Variants in TMEM217 observed in about 807,000 individuals in gnomAD.
TMEM217 encodes the protein chromosome 6 open reading frame 128.
For synonymous variants in TMEM217, 76 were observed against 88.3 expected (o/e 0.86, Z 0.78); for missense variants, 204 against 248.8 (o/e 0.82, Z 1.21).
chr6:37,226,435 G>A (rs1763843262), intron 1 of TMEM217, among the ~76,000 whole-genome samples: 1 of 151,314 alleles, frequency 6.6e-6, no homozygotes, highest in East Asian at 1.9e-4. Flanking sequence ...TGGGACTATA[G>A]GCGCCTGCCA....
intron 1 of TMEM217, among the ~76,000 whole-genome samples, chr6:37,251,222 C>A (rs1198570819): frequency 1.3e-5 from 2 of 152,096 alleles, no homozygotes; most frequent in African/African-American, 4.8e-5. Context: ...AGGTAATGTG[C>A]CGACAGGAAA....
chr6:37,226,837 A>G (rs1426320153), intron 1 of TMEM217, among the ~76,000 whole-genome samples: 1 of 152,106 alleles, frequency 6.6e-6, no homozygotes, highest in Non-Finnish European at 1.5e-5. Flanking sequence ...AAGTGCTGGG[A>G]TTACAGGTGT....
At chr6:37,214,245 T>C (rs1763066846), downstream of TMEM217, among the ~76,000 whole-genome samples, 1 of 152,052 alleles carries the variant, frequency 6.6e-6, no homozygotes, top group Admixed American at 6.6e-5. Flanking sequence ...CTCTCTCTCT[T>C]TCGACAGAGT....
intron 1 of TMEM217, among the ~76,000 whole-genome samples, chr6:37,221,290 G>A (rs1414967594): frequency 2.0e-5 from 3 of 151,858 alleles, no homozygotes; most frequent in Non-Finnish European, 2.9e-5. Flanking sequence ...GGGTTCAAGC[G>A]ATTCTCGTGC....
At chr6:37,233,656 T>C (rs1764330552) in intron 1 of TMEM217, among the ~76,000 whole-genome samples, 1 of 152,210 alleles carries the variant, frequency 6.6e-6, no homozygotes, top group Non-Finnish European at 1.5e-5. Flanking sequence ...TGGAGGGACA[T>C]ATACATTCTA....
chr6:37,223,579 G>A (rs1763657200), intron 1 of TMEM217, among the ~76,000 whole-genome samples: 1 of 152,212 alleles, frequency 6.6e-6, no homozygotes, highest in Non-Finnish European at 1.5e-5. Context: ...CGTGATCTCA[G>A]TTCACCACAA....
chr6:37,224,002 T>C (rs55761393), intron 1 of TMEM217, among the ~76,000 whole-genome samples: 22,787 of 150,072 alleles, frequency 0.15, 2,006 homozygotes, highest in Non-Finnish European at 0.2. Flanking sequence ...AGTGGCACGA[T>C]CTCAGCTCAC....
chr6:37,241,107 T>TTG, intron 1 of TMEM217, among the ~76,000 whole-genome samples: 1 of 151,386 alleles, frequency 6.6e-6, no homozygotes, highest in East Asian at 1.9e-4. Flanking sequence ...CTCTTTTTTT[T>TTG]TTTTTTTTTG....
intron 1 of TMEM217, among the ~76,000 whole-genome samples, chr6:37,242,908 G>A (rs1224870216): frequency 6.6e-6 from 1 of 152,088 alleles, no homozygotes; most frequent in Non-Finnish European, 1.5e-5. Context: ...TCTTTCATAG[G>A]AAGTAAAACA....
At chr6:37,254,518 C>T (rs1359021358) in intron 1 of TMEM217, among the ~76,000 whole-genome samples, 2 of 152,204 alleles carry the variant, frequency 1.3e-5, no homozygotes. Context: ...TCAGAGAAGA[C>T]TGTTCTTCAA....
intron 1 of TMEM217, among the ~76,000 whole-genome samples, chr6:37,250,695 G>A (rs73417899): frequency 0.033 from 5,078 of 152,298 alleles, 258 homozygotes; most frequent in African/African-American, 0.11. Flanking sequence ...TCAGGCGTGC[G>A]TGTGCACGCA....
chr6:37,213,028 A>G (rs1462993393), downstream of TMEM217: 14 of 1,431,694 alleles, frequency 9.8e-6, no homozygotes, highest in Non-Finnish European at 1.1e-5. Context: ...GACACGTGAC[A>G]AGATGGCAGA....
chr6:37,226,549 G>A (rs1311632058), intron 1 of TMEM217, among the ~76,000 whole-genome samples: 9 of 150,574 alleles, frequency 6.0e-5, no homozygotes, highest in Admixed American at 5.3e-4. Flanking sequence ...CGCCCGCCTC[G>A]GCCACCCAAA....
intron 1 of TMEM217, among the ~76,000 whole-genome samples, chr6:37,249,489 T>G (rs1216396617): frequency 6.6e-6 from 1 of 152,082 alleles, no homozygotes; most frequent in Non-Finnish European, 1.5e-5. Context: ...CCAGATAATT[T>G]TTTTGTATTT....
At chr6:37,240,354 T>G (rs1176690305) in intron 1 of TMEM217, among the ~76,000 whole-genome samples, 2 of 152,198 alleles carry the variant, frequency 1.3e-5, no homozygotes, top group African/African-American at 2.4e-5. Flanking sequence ...CCAAGCTCGC[T>G]CTCTCTGACT....
intron 1 of TMEM217, among the ~76,000 whole-genome samples, chr6:37,229,594 C>T (rs982974752): frequency 1.3e-5 from 2 of 151,964 alleles, no homozygotes; most frequent in African/African-American, 2.4e-5. Context: ...CACCCGCCTC[C>T]GCCTCCCAAA....
intron 1 of TMEM217, among the ~76,000 whole-genome samples, chr6:37,224,651 T>G (rs574610731): frequency 1.2e-4 from 18 of 151,786 alleles, no homozygotes; most frequent in African/African-American, 4.3e-4. Flanking sequence ...AGACAGCATC[T>G]CGCCATGTTA....
chr6:37,234,478 T>C (rs545353536), intron 1 of TMEM217, among the ~76,000 whole-genome samples: 40 of 152,308 alleles, frequency 2.6e-4, no homozygotes, highest in Non-Finnish European at 4.1e-4. Context: ...AGTTGAGGAG[T>C]ACCTGTGCTT....
chr6:37,229,488 G>A (rs369525619), intron 1 of TMEM217, among the ~76,000 whole-genome samples: 4 of 151,554 alleles, frequency 2.6e-5, no homozygotes, highest in South Asian at 4.2e-4. Context: ...GACTACAGGC[G>A]CCCGCCACCA....
Sources: gnomAD v4.1 joint callset for allele counts (sites outside exome capture counted in the v4.1 genomes callset) on GRCh38, gnomAD v4.1.1 for gene constraint, MANE v1.5 for transcripts, NCBI Gene and HGNC (gene_info 2026-07-23, HGNC 2026-07-21) for gene names.